ST6GALNAC3: variants seen among roughly 807,000 people sequenced by gnomAD.
ST6GALNAC3 encodes alpha-N-acetylgalactosaminide alpha-2,6-sialyltransferase 3.
In ST6GALNAC3, 25 loss-of-function variants were observed where a neutral mutation model predicts 32.7. The observed-to-expected ratio is 0.76, with a 90% CI of 0.56 to 1.07. ST6GALNAC3 has a LOEUF of 1.07. Ranked by LOEUF, ST6GALNAC3 falls within the 50% of genes least tolerant of loss-of-function variation. ST6GALNAC3 has a pLI of 0.00. For synonymous variants in ST6GALNAC3, 129 were observed against 133.1 expected (o/e 0.97, Z 0.21); for missense variants, 355 against 382.4 (o/e 0.93, Z 0.60).
chr1:76,484,059 C>T lies in ST6GALNAC3; in HGVS notation c.623+71642C>T, dbSNP rs1030905407. ...ATGTGTGGTATTATTTCTGAGGGCT[C>T]TCTTCTGTTCCATTAGTCTATATGT... On this transcript the variant is annotated intron_variant, in intron 3 of 4. Transcript: ENST00000328299. 8.2e-4 allele frequency among the ~76,000 whole-genome samples: 125 copies of T among 152,072 alleles called. 1 individual carries two copies. Among genetic ancestry groups the T allele is most frequent in the African/African-American group, 3.0e-3 (123 of 41,446 alleles).
rs1660918218 is a variant in ST6GALNAC3, at chr1:76,497,374, C to T, written c.623+84957C>T. 3.3e-5 allele frequency among the ~76,000 whole-genome samples: 5 copies of T among 152,216 alleles called. No homozygotes were observed. In the East Asian group the frequency reaches 5.8e-4, roughly 18 times the overall value. On this transcript the variant is annotated intron_variant, in intron 3 of 4. Transcript: ENST00000328299. ...AGAAATAGAGAGAATTAAAAGAGAG[C>T]TCTGGAAGAGCCATAGCAAAGTCCA...
intron 1 of ST6GALNAC3, among the ~76,000 whole-genome samples, chr1:76,204,915 C>T (rs1654736616): frequency 6.6e-6 from 1 of 152,150 alleles, no homozygotes; most frequent in Non-Finnish European, 1.5e-5. Flanking sequence ...GGTTCTTTCG[C>T]AGACTTAGAT....
At chr1:76,188,688 A>G (rs1653721279) in intron 1 of ST6GALNAC3, among the ~76,000 whole-genome samples, 1 of 152,242 alleles carries the variant, frequency 6.6e-6, no homozygotes, top group South Asian at 2.1e-4. Flanking sequence ...CAGTAACATA[A>G]ACAATTGATT....
chr1:76,259,103 G>C (rs1658084628), intron 1 of ST6GALNAC3, among the ~76,000 whole-genome samples: 1 of 152,086 alleles, frequency 6.6e-6, no homozygotes, highest in Admixed American at 6.6e-5. Flanking sequence ...TGCATGTTCT[G>C]AAAGAATACA....
At chr1:76,195,259 T>C (rs1654136124) in intron 1 of ST6GALNAC3, among the ~76,000 whole-genome samples, 1 of 152,242 alleles carries the variant, frequency 6.6e-6, no homozygotes, top group African/African-American at 2.4e-5. Flanking sequence ...ATAACTTTAC[T>C]TGGTTAATTT....
chr1:76,231,776 G>A (rs2100639449), intron 1 of ST6GALNAC3, among the ~76,000 whole-genome samples: 1 of 152,288 alleles, frequency 6.6e-6, no homozygotes, highest in African/African-American at 2.4e-5. Context: ...CCAAATGGCT[G>A]TTGTAAATAA....
chr1:76,399,825 T>A (rs1434480194), intron 2 of ST6GALNAC3, among the ~76,000 whole-genome samples: 1 of 152,208 alleles, frequency 6.6e-6, no homozygotes, highest in Non-Finnish European at 1.5e-5. Flanking sequence ...TCCTAGGTAT[T>A]TAATATTTTG....
intron 2 of ST6GALNAC3, among the ~76,000 whole-genome samples, chr1:76,381,337 A>G (rs747260319): frequency 9.2e-5 from 14 of 152,176 alleles, no homozygotes; most frequent in Non-Finnish European, 2.1e-4. Context: ...TATAGACAAC[A>G]TTTGGAATTT....
At chr1:76,379,566 G>C (rs913010423) in intron 2 of ST6GALNAC3, among the ~76,000 whole-genome samples, 1 of 152,146 alleles carries the variant, frequency 6.6e-6, no homozygotes, top group Admixed American at 6.5e-5. Context: ...GACGGCTTTT[G>C]GTTTGGGGTT....
intron 3 of ST6GALNAC3, among the ~76,000 whole-genome samples, chr1:76,457,837 G>T (rs1293928663): frequency 1.3e-5 from 2 of 150,094 alleles, no homozygotes; most frequent in Non-Finnish European, 1.5e-5. Flanking sequence ...AGGACTTCAT[G>T]TCTAAAACAC....
chr1:76,096,017 C>T (rs570554318), intron 1 of ST6GALNAC3, among the ~76,000 whole-genome samples: 125 of 152,302 alleles, frequency 8.2e-4, no homozygotes, highest in African/African-American at 2.8e-3. Flanking sequence ...TGCCCTCTGC[C>T]TGGTGAACCC....
chr1:76,441,023 G>T (rs546706180), intron 3 of ST6GALNAC3, among the ~76,000 whole-genome samples: 3 of 150,970 alleles, frequency 2.0e-5, no homozygotes, highest in South Asian at 2.1e-4. Flanking sequence ...GGGAGGTGGT[G>T]GTTGTGGTGA....
intron 2 of ST6GALNAC3, among the ~76,000 whole-genome samples, chr1:76,405,334 A>C (rs1653746191): frequency 6.6e-6 from 1 of 152,102 alleles, no homozygotes; most frequent in African/African-American, 2.4e-5. Flanking sequence ...TTATTTCACA[A>C]ATTTTAATTA....
At chr1:76,586,949 G>A (rs1453365719) in intron 3 of ST6GALNAC3, among the ~76,000 whole-genome samples, 1 of 152,106 alleles carries the variant, frequency 6.6e-6, no homozygotes, top group Non-Finnish European at 1.5e-5. Context: ...TAAACCCCAG[G>A]TCTGAAAACT....
chr1:76,563,489 A>C (rs899173460), intron 3 of ST6GALNAC3, among the ~76,000 whole-genome samples: 1 of 152,218 alleles, frequency 6.6e-6, no homozygotes, highest in Non-Finnish European at 1.5e-5. Flanking sequence ...GTAATCCTCA[A>C]AGGAAGATAA....
intron 1 of ST6GALNAC3, among the ~76,000 whole-genome samples, chr1:76,247,654 T>C (rs1657348652): frequency 6.6e-6 from 1 of 151,988 alleles, no homozygotes; most frequent in Admixed American, 6.5e-5. Context: ...GCCTCAGTAA[T>C]GGCCGATGCC....
chr1:76,371,657 T>G (rs1650828861), intron 2 of ST6GALNAC3, among the ~76,000 whole-genome samples: 1 of 152,210 alleles, frequency 6.6e-6, no homozygotes, highest in African/African-American at 2.4e-5. Context: ...TATCTGAACC[T>G]CTCTGTCTCC....
chr1:76,365,460 C>T (rs1650294254), intron 2 of ST6GALNAC3, among the ~76,000 whole-genome samples: 1 of 152,200 alleles, frequency 6.6e-6, no homozygotes, highest in Non-Finnish European at 1.5e-5. Flanking sequence ...TGCACGTTTA[C>T]TTCCTGAATC....
At chr1:76,576,841 T>C (rs370480415) in intron 3 of ST6GALNAC3, 4 of 1,304,678 alleles carry the variant, frequency 3.1e-6, no homozygotes, top group African/African-American at 1.5e-5. Flanking sequence ...TCCCATGATA[T>C]CCAGTACAGA....
Sources: allele counts gnomAD v4.1 joint callset (sites outside exome capture counted in the v4.1 genomes callset), GRCh38; gene constraint gnomAD v4.1.1; transcripts MANE v1.5; gene names NCBI Gene and HGNC (gene_info 2026-07-23, HGNC 2026-07-21).